Variants in ZDHHC17 observed in about 807,000 individuals in gnomAD.
ZDHHC17 encodes the protein palmitoyltransferase ZDHHC17.
Under a neutral mutation model 90.3 loss-of-function variants are expected in ZDHHC17, and 40 were observed. That is an observed-to-expected ratio of 0.44 (90% CI 0.34 to 0.58). The LOEUF is 0.58. Among genes scored for constraint, ZDHHC17 ranks in the 20% least tolerant of loss-of-function variants. The probability of loss-of-function intolerance (pLI) is 0.01; values close to 1 mark genes in which losing one functional copy is unlikely to be tolerated. For synonymous variants in ZDHHC17, 235 were observed against 252.4 expected, an observed-to-expected ratio of 0.93 and a Z score of 0.65; for missense variants, 614 against 780.8, an observed-to-expected ratio of 0.79 and a Z score of 2.55.
At chr12:76,798,967 G>A (rs1322040905) in intron 2 of ZDHHC17, among the ~76,000 whole-genome samples, 1 of 152,018 alleles carries the variant, frequency 6.6e-6, no homozygotes, top group African/African-American at 2.4e-5. Flanking sequence ...ATAAGATTTG[G>A]GTGTGGACAC....
intron 1 of ZDHHC17, among the ~76,000 whole-genome samples, chr12:76,793,702 TATTC>T (rs1235505973): frequency 6.6e-6 from 1 of 152,204 alleles, no homozygotes; most frequent in African/African-American, 2.4e-5. Context: ...GGCGGACTTT[TATTC>T]ATTAGCCTCT....
rs1953582428 is a variant in ZDHHC17, at chr12:76,852,904, TA to T, written c.*1921del. On this transcript the variant is annotated 3_prime_UTR_variant, in exon 17 of 17. Transcript: ENST00000426126. Reference sequence around the variant, plus strand: ...ACTACTAATTGGGGGAAATTTTAGATAATTTTTAAATTCAAAGTTATTTATA... The same window carrying T: ...ACTACTAATTGGGGGAAATTTTAGATATTTTTAAATTCAAAGTTATTTATA... 6.5e-6 allele frequency: 1 copy of T among 152,676 alleles called. No homozygotes were observed. The highest frequency in any genetic ancestry group is 2.4e-5 in the African/African-American group (1 of 41,474). The allele number at this position is 152,676 out of a possible 1,614,324, so 9.5% of individuals were successfully genotyped here.
At chr12:76,785,635 A>C (rs1270619165) in intron 1 of ZDHHC17, among the ~76,000 whole-genome samples, 1 of 152,174 alleles carries the variant, frequency 6.6e-6, no homozygotes, top group Non-Finnish European at 1.5e-5. Context: ...TAGGTCATTT[A>C]ATTGCCTGGG....
At chr12:76,797,078 C>G (rs927098056) in intron 1 of ZDHHC17, among the ~76,000 whole-genome samples, 7 of 151,922 alleles carry the variant, frequency 4.6e-5, no homozygotes, top group Non-Finnish European at 4.4e-5. Flanking sequence ...TCCTGGCTAA[C>G]ATGGTGAAAC....
chr12:76,798,560 A>T (rs917620409), intron 2 of ZDHHC17, among the ~76,000 whole-genome samples: 1 of 152,140 alleles, frequency 6.6e-6, no homozygotes, highest in African/African-American at 2.4e-5. Context: ...AAAAAGAAAA[A>T]AAAAAAAAGT....
At chr12:76,828,273 T>G in intron 9 of ZDHHC17, 117 bp from the exon 10 acceptor site, 1 of 849,542 alleles carries the variant, frequency 1.2e-6, no homozygotes, top group South Asian at 2.6e-5. Flanking sequence ...TCCTGAACTC[T>G]GGATTCTGGT....
chr12:76,776,276 GT>G (rs1336586901), intron 1 of ZDHHC17, among the ~76,000 whole-genome samples: 7 of 151,746 alleles, frequency 4.6e-5, no homozygotes, highest in African/African-American at 7.2e-5. Context: ...TTCAGCATGG[GT>G]TTTTTTTAGC....
chr12:76,819,975 A>G (rs901580047), intron 7 of ZDHHC17, among the ~76,000 whole-genome samples: 1 of 149,364 alleles, frequency 6.7e-6, no homozygotes, highest in African/African-American at 2.5e-5. Context: ...CCTGGGCAAC[A>G]AGAGTGAAAC....
At chr12:76,833,732 G>T (rs1051532072) in intron 10 of ZDHHC17, among the ~76,000 whole-genome samples, 1 of 152,166 alleles carries the variant, frequency 6.6e-6, no homozygotes, top group Non-Finnish European at 1.5e-5. Context: ...TGCGGAGCTT[G>T]CAGTGAGCCG....
At chr12:76,849,207 G>A (rs1370741053) in intron 15 of ZDHHC17, among the ~76,000 whole-genome samples, 169 bp from the exon 16 acceptor site, 18 of 146,670 alleles carry the variant, frequency 1.2e-4, no homozygotes, top group Non-Finnish European at 7.5e-5. Flanking sequence ...TGCTGGTGGG[G>A]TGGGGGTTTT....
At chr12:76,806,804 C>T (rs1396576220) in intron 3 of ZDHHC17, among the ~76,000 whole-genome samples, 6 of 152,228 alleles carry the variant, frequency 3.9e-5, no homozygotes, top group Non-Finnish European at 7.3e-5. Flanking sequence ...TTTGCCTCTG[C>T]GCCTAGCCAA....
intron 7 of ZDHHC17, 117 bp downstream of exon 7, chr12:76,816,136 T>G (rs1953084669): frequency 1.3e-6 from 1 of 785,706 alleles, no homozygotes; most frequent in Admixed American, 4.0e-5. Context: ...AATACAGGTT[T>G]ACAGTTAAAC....
intron 9 of ZDHHC17, 105 bp from the exon 10 acceptor site, chr12:76,828,284 GA>G: frequency 1.0e-6 from 1 of 972,384 alleles, no homozygotes; most frequent in Non-Finnish European, 1.5e-6. Context: ...GGATTCTGGT[GA>G]AACCAATGCT....
At chr12:76,830,114 T>C (rs1375310518) in intron 10 of ZDHHC17, among the ~76,000 whole-genome samples, 3 of 152,234 alleles carry the variant, frequency 2.0e-5, no homozygotes, top group African/African-American at 7.2e-5. Flanking sequence ...CAAGTTAGAC[T>C]GATTTATTGT....
intron 13 of ZDHHC17, chr12:76,846,371 G>A (rs1482601962): frequency 2.3e-5 from 11 of 483,950 alleles, no homozygotes; most frequent in Non-Finnish European, 3.7e-5. Context: ...AGTTCTTTGG[G>A]ACTTGAACAC....
At chr12:76,793,953 G>A (rs1053626269) in intron 1 of ZDHHC17, among the ~76,000 whole-genome samples, 2 of 152,022 alleles carry the variant, frequency 1.3e-5, no homozygotes, top group Admixed American at 1.3e-4. Flanking sequence ...TGGCGCGATC[G>A]TGGCTCACTG....
chr12:76,821,206 A>G (rs1953159627), intron 7 of ZDHHC17: 1 of 1,153,044 alleles, frequency 8.7e-7, no homozygotes, highest in African/African-American at 1.6e-5. Context: ...TGGTTCTGAC[A>G]ACTTAGGTGA....
At chr12:76,825,406 T>C (rs528527977) in intron 8 of ZDHHC17, among the ~76,000 whole-genome samples, 2 of 152,282 alleles carry the variant, frequency 1.3e-5, no homozygotes, top group Admixed American at 1.3e-4. Flanking sequence ...TAAGAGAAAA[T>C]AGATTTCTCA....
chr12:76,797,656 T>C (rs1219739558), intron 2 of ZDHHC17, 119 bp downstream of exon 2: 2 of 738,826 alleles, frequency 2.7e-6, no homozygotes, highest in Non-Finnish European at 3.9e-6. Context: ...AAAAATTAGT[T>C]TATGGGCCGG....
Sources: allele counts gnomAD v4.1 joint callset (sites outside exome capture counted in the v4.1 genomes callset), GRCh38; gene constraint gnomAD v4.1.1; transcripts MANE v1.5; gene names NCBI Gene and HGNC (gene_info 2026-07-23, HGNC 2026-07-21).